The following OR51M1 variants were observed in gnomAD, a reference collection of about 807,000 sequenced individuals.
OR51M1 encodes olfactory receptor 51M1.
For synonymous variants in OR51M1, 199 were observed against 155.1 expected (o/e 1.28, Z -2.10); for missense variants, 509 against 404.4 (o/e 1.26, Z -2.22).
Position 5,389,559 on chromosome 11 carries a change from A to T in OR51M1, c.161A>T (p.Asn54Ile), listed in dbSNP as rs774078429. 5 of 1,613,918 alleles carry T rather than the reference A, an allele frequency of 3.1e-6. No individual in the cohort carries two copies. In the East Asian group the frequency reaches 8.9e-5, roughly 29 times the overall value. ...ATGTACATGGTTGCCATCTCAGGCA[A>T]TTGTTTCATTCTGATCATTATTAAG... ...FFMYMVAISG[N>I]CFILIIIKTN... The change falls in exon 3 of 3, where the codon AAT becomes ATT. Residue 54 changes from asparagine to isoleucine, a missense_variant. Physicochemically the swap from Asn to Ile is moderately radical, Grantham distance 149. Transcript: ENST00000642046.
chr11:5,389,778 TC>T lies in OR51M1; in HGVS notation c.382del (p.Leu128SerfsTer2). ...TTTTCCTTCATGGAGTCCTCAGTGC[TC>T]CTCATGATGTCCTTTGACCGCCTTG... is the stretch of plus-strand genomic sequence containing the variant. ...HSFSFMESSV[L>X]LMMSFDRLVA... On this transcript the variant is annotated frameshift_variant, in exon 3 of 3. Coordinates refer to ENST00000642046, the MANE Select transcript of OR51M1 (RefSeq NM_001004756.3). LOFTEE classifies it low-confidence loss of function (END_TRUNC). The T allele has an allele frequency of 6.2e-7, 1 of 1,613,998 alleles. No individual in the cohort carries two copies. Among genetic ancestry groups the T allele is most frequent in the Non-Finnish European group, 8.5e-7 (1 of 1,179,888 alleles).
chr11:5,390,281 G>T lies in OR51M1; in HGVS notation c.883G>T (p.Val295Leu), dbSNP rs1039542744. The T allele has an allele frequency of 1.9e-6, 3 of 1,613,900 alleles. No individual in the cohort carries two copies. The highest frequency in any genetic ancestry group is 3.3e-5 in the Admixed American group (2 of 60,000). ...HLLMANVYLF[V>L]PPMLNPIIYS... ...TCTTATGGCCAATGTCTACCTTTTT[G>T]TGCCTCCCATGCTTAACCCAATCAT... The change falls in exon 3 of 3, where the codon GTG (valine) becomes TTG (leucine). Residue 295 changes from valine (V) to leucine (L), a missense_variant. By Grantham distance (32) the Val-to-Leu change is conservative (BLOSUM62 1). Coordinates refer to ENST00000642046, the MANE Select transcript of OR51M1 (RefSeq NM_001004756.3).
In OR51M1 at chr11:5,389,534, A is replaced by G; in HGVS notation, c.136A>G (p.Met46Val). The change falls in exon 3 of 3, where the codon ATG becomes GTG. Residue 46 changes from methionine to valine, a missense_variant. Coordinates refer to ENST00000642046, the MANE Select transcript of OR51M1 (RefSeq NM_001004756.3). ...CTGGATTTTCATCCCCTTTTTCTTT[A>G]TGTACATGGTTGCCATCTCAGGCAA... ...KHWIFIPFFF[M>V]YMVAISGNCF... 1.2e-6 allele frequency: 2 copies of G among 1,613,838 alleles called. No individual in the cohort carries two copies. The highest frequency in any genetic ancestry group is 1.7e-6 in the Non-Finnish European group (2 of 1,179,858).
chr11:5,391,915 T>G lies in OR51M1; in HGVS notation c.*1536T>G, dbSNP rs2133731456. 1 of 151,988 alleles carries G rather than the reference T, an allele frequency of 6.6e-6. No individual in the cohort carries two copies. Among genetic ancestry groups the G allele is most frequent in the South Asian group, 2.1e-4 (1 of 4,800 alleles). 9.4% of individuals were successfully genotyped at this position (151,988 alleles called of 1,614,324 possible). On this transcript the variant is annotated 3_prime_UTR_variant, in exon 3 of 3. Coordinates refer to ENST00000642046, the MANE Select transcript of OR51M1 (RefSeq NM_001004756.3). ...AAGACCCTATCTCTACAAAAAAAAT[T>G]AAAATTAGCCATGTGTGGCGGTGCA...
intron 2 of OR51M1, among the ~76,000 whole-genome samples, chr11:5,385,822 AAAG>A (rs904143975): frequency 4.0e-5 from 6 of 149,032 alleles, no homozygotes; most frequent in East Asian, 3.9e-4. Flanking sequence ...TAAAGTATAT[AAAG>A]AATATATAAT....
chr11:5,385,746 T>G (rs1204010137), intron 2 of OR51M1, among the ~76,000 whole-genome samples: 3 of 143,286 alleles, frequency 2.1e-5, no homozygotes, highest in African/African-American at 7.9e-5. Context: ...TTTTTGTATA[T>G]TTGTTTACAT....
In OR51M1 at chr11:5,389,529, T is replaced by A. The variant is rs1399836252; in HGVS notation, c.131T>A (p.Phe44Tyr). 5 of 1,614,020 alleles carry A rather than the reference T, an allele frequency of 3.1e-6. No individual in the cohort carries two copies. The highest frequency in any genetic ancestry group is 4.2e-6 in the Non-Finnish European group (5 of 1,179,900). ...AAACACTGGATTTTCATCCCCTTTT[T>A]CTTTATGTACATGGTTGCCATCTCA... The part of the protein sequence containing the change: ...GIKHWIFIPF[F>Y]FMYMVAISGN... Residue 44 changes from phenylalanine (F) to tyrosine (Y), a missense_variant, in exon 3 of 3, where the codon TTC becomes TAC. Physicochemically the swap from Phe to Tyr is conservative, Grantham distance 22 (BLOSUM62 3). Coordinates refer to ENST00000642046, the MANE Select transcript of OR51M1 (RefSeq NM_001004756.3).
rs372112594 is a variant in OR51M1, at chr11:5,389,372, A to G, written c.-15-12A>G. ...GAAGAATTAATAACCAGAAATATCC[A>G]TTTATTTTCAGCTCAATCCCCGAGG... On this transcript the variant is annotated splice_polypyrimidine_tract_variant and intron_variant, in intron 2 of 2. Transcript: ENST00000642046. The G allele has an allele frequency of 1.2e-6, 2 of 1,600,324 alleles. No homozygotes were observed. Among genetic ancestry groups the G allele is most frequent in the Non-Finnish European group, 8.5e-7 (1 of 1,171,722 alleles).
At chr11:5,387,709 A>C (rs1259011612) in intron 2 of OR51M1, among the ~76,000 whole-genome samples, 1 of 123,860 alleles carries the variant, frequency 8.1e-6, no homozygotes, top group Admixed American at 8.8e-5. Flanking sequence ...AGGAACTTTC[A>C]CTTGTTCTTC....
At chr11:5,388,416 A>C (rs892370285) in intron 2 of OR51M1, among the ~76,000 whole-genome samples, 1 of 151,662 alleles carries the variant, frequency 6.6e-6, no homozygotes, top group Non-Finnish European at 1.5e-5. Context: ...GGCCTTCTGA[A>C]GGACATCATA....
At position 5,389,946 on chromosome 11, in the gene OR51M1, C is replaced by G; in HGVS notation, c.548C>G (p.Ser183Cys). ...LLLKAFPYCG[S>C]VVLSHSFCLH... is the part of the protein sequence containing the mutation. ...CTGAAGGCTTTTCCCTACTGTGGAT[C>G]TGTGGTCCTCTCCCACTCATTTTGC... The change falls in exon 3 of 3, where the codon TCT becomes TGT. Residue 183 changes from serine (S) to cysteine (C), a missense_variant. Physicochemically the swap from Ser to Cys is moderately radical, Grantham distance 112. Coordinates refer to ENST00000642046, the MANE Select transcript of OR51M1 (RefSeq NM_001004756.3). 1 of 1,611,360 alleles carries G rather than the reference C, an allele frequency of 6.2e-7. No homozygotes were observed. Among genetic ancestry groups the G allele is most frequent in the South Asian group, 1.1e-5 (1 of 91,084 alleles).
chr11:5,389,299 G>A, intron 2 of OR51M1, 85 bp from the exon 3 acceptor site: 1 of 1,137,200 alleles, frequency 8.8e-7, no homozygotes. Context: ...TACTAAAGGT[G>A]ATGATGACCA....
Position 5,390,424 on chromosome 11 carries a change from A to C in OR51M1, c.*45A>C, listed in dbSNP as rs1282390990. On this transcript the variant is annotated 3_prime_UTR_variant, in exon 3 of 3. Coordinates refer to ENST00000642046, the MANE Select transcript of OR51M1 (RefSeq NM_001004756.3). ...CCCTAGAGGCCTATAAGAAGGCCCCAAATTGGACTGAAAATTTGGAGTATT... is the reference window on the plus strand; with the variant it reads ...CCCTAGAGGCCTATAAGAAGGCCCCCAATTGGACTGAAAATTTGGAGTATT... 1 of 1,478,012 alleles carries C rather than the reference A, an allele frequency of 6.8e-7. No individual in the cohort carries two copies. Among genetic ancestry groups the C allele is most frequent in the East Asian group, 2.4e-5 (1 of 41,210 alleles). The allele number at this position is 1,478,012 out of a possible 1,614,324, so 91.6% of individuals were successfully genotyped here. A position where few individuals can be genotyped will look rare whatever the true frequency, so the allele number is the denominator to read the frequency against.
chr11:5,390,007 T>G lies in OR51M1; in HGVS notation c.609T>G (p.Asp203Glu). Residue 203 changes from aspartate (D) to glutamate (E), a missense_variant, in exon 3 of 3, where the codon GAT (aspartate) becomes GAG (glutamate). Asp to Glu is a conservative substitution (Grantham distance 45). Coordinates refer to ENST00000642046, the MANE Select transcript of OR51M1 (RefSeq NM_001004756.3). ...AAGTGATACAGCTGGCCTGCACAGA[T>G]ATCACCTTCAATAATCTGTATGGAC... ...HQEVIQLACT[D>E]ITFNNLYGLM... 1 of 1,613,358 alleles carries G rather than the reference T, an allele frequency of 6.2e-7. No homozygotes were observed. Among genetic ancestry groups the G allele is most frequent in the Non-Finnish European group, 8.5e-7 (1 of 1,179,898 alleles).
Position 5,391,435 on chromosome 11 carries a change from A to G in OR51M1, c.*1056A>G, listed in dbSNP as rs1457591264. On this transcript the variant is annotated 3_prime_UTR_variant, in exon 3 of 3. Coordinates refer to ENST00000642046, the MANE Select transcript of OR51M1 (RefSeq NM_001004756.3). ...ATGTGTCCATTAGAATGACTAAATC[A>G]AGATCCCTGGAGGAATTAGGCATGT... 1 of 152,218 alleles carries G rather than the reference A, an allele frequency of 6.6e-6. No individual in the cohort carries two copies. Among genetic ancestry groups the G allele is most frequent in the African/African-American group, 2.4e-5 (1 of 41,438 alleles). 9.4% of individuals were successfully genotyped at this position (152,218 alleles called of 1,614,324 possible).
chr11:5,386,152 CA>C (rs1415796766), intron 2 of OR51M1, among the ~76,000 whole-genome samples: 6 of 152,080 alleles, frequency 3.9e-5, no homozygotes, highest in African/African-American at 1.2e-4. Context: ...GTTGGAAAAA[CA>C]GGGGTGGTTT....
chr11:5,389,712 A>G lies in OR51M1; in HGVS notation c.314A>G (p.Tyr105Cys), dbSNP rs200883251. The change falls in exon 3 of 3, where the codon TAC becomes TGC. Residue 105 changes from tyrosine to cysteine, a missense_variant. Coordinates refer to ENST00000642046, the MANE Select transcript of OR51M1 (RefSeq NM_001004756.3). ...GIFWFNSHSI[Y>C]FGACQIQMFC... ...TTCTGGTTTAACTCCCATAGTATCT[A>G]CTTTGGAGCGTGTCAAATCCAGATG... The G allele has an allele frequency of 6.4e-5, 103 of 1,613,722 alleles. No homozygotes were observed. Among genetic ancestry groups the G allele is most frequent in the Non-Finnish European group, 7.9e-5 (93 of 1,179,894 alleles).
rs1416395999 is a variant in OR51M1 at position 5,390,707 on chromosome 11, C to G, written c.*328C>G. ...AAAAAGAACAATAAATACCAGAGCA[C>G]CCAGAGGAGAGCCTGGCAGAGACCA... On this transcript the variant is annotated 3_prime_UTR_variant, in exon 3 of 3. Transcript: ENST00000642046. 1 of 217,882 alleles carries G rather than the reference C, an allele frequency of 4.6e-6. No homozygotes were observed. Among genetic ancestry groups the G allele is most frequent in the Non-Finnish European group, 9.1e-6 (1 of 109,442 alleles). 13.5% of individuals were successfully genotyped at this position (217,882 alleles called of 1,614,324 possible).
At chr11:5,389,283 A>C (rs1256140649) in intron 2 of OR51M1, 101 bp from the exon 3 acceptor site, 2 of 975,496 alleles carry the variant, frequency 2.1e-6, no homozygotes, top group African/African-American at 3.2e-5. Context: ...AGGGTGGAGT[A>C]GATAATACTA....
Sources: allele counts gnomAD v4.1 joint callset (sites outside exome capture counted in the v4.1 genomes callset), GRCh38; gene constraint gnomAD v4.1.1; transcripts MANE v1.5; gene names NCBI Gene and HGNC (gene_info 2026-07-23, HGNC 2026-07-21).